VWA8: variants seen among roughly 807,000 people sequenced by gnomAD.
The protein encoded by VWA8 is von Willebrand factor A domain-containing protein 8.
Under a neutral mutation model 241.5 loss-of-function variants are expected in VWA8, and 221 were observed. The observed-to-expected ratio is 0.91, with a 90% CI of 0.82 to 1.02. The LOEUF is 1.02. Among genes scored for constraint, VWA8 ranks in the 50% least tolerant of loss-of-function variants. The pLI is 0.00. For missense variants in VWA8, 2,322 were observed against 2,328.7 expected, an observed-to-expected ratio of 1.00 and a Z score of 0.06; for synonymous variants, 852 against 827.1, an observed-to-expected ratio of 1.03 and a Z score of -0.52.
intron 37 of VWA8, among the ~76,000 whole-genome samples, chr13:41,638,610 C>T (rs577622692): frequency 1.3e-5 from 2 of 152,218 alleles, no homozygotes; most frequent in Admixed American, 1.3e-4. Flanking sequence ...TGAAAGGGCC[C>T]TCTGAATTTA....
At chr13:41,690,342 T>G (rs1335455049) in intron 32 of VWA8, 67 bp from the exon 33 acceptor site, 11 of 1,297,792 alleles carry the variant, frequency 8.5e-6, no homozygotes, top group Non-Finnish European at 1.2e-5. Flanking sequence ...AAGGCCAGAC[T>G]AAGAAAAATT....
chr13:41,862,420 G>C (rs1873046583), intron 12 of VWA8, among the ~76,000 whole-genome samples: 1 of 152,176 alleles, frequency 6.6e-6, no homozygotes, highest in Non-Finnish European at 1.5e-5. Context: ...AAAAGAACTT[G>C]CAACAAAACC....
At chr13:41,796,006 C>T (rs1192845305) in intron 17 of VWA8, among the ~76,000 whole-genome samples, 1 of 152,034 alleles carries the variant, frequency 6.6e-6, no homozygotes, top group African/African-American at 2.4e-5. Context: ...ATGATTCATT[C>T]TAGGATCACA....
At chr13:41,579,933 A>G (rs1248955901) in intron 42 of VWA8, among the ~76,000 whole-genome samples, 5 of 151,834 alleles carry the variant, frequency 3.3e-5, no homozygotes, top group Non-Finnish European at 7.4e-5. Context: ...TGCAGCCTCA[A>G]CCTCCTGGGC....
rs140939549 is a variant in VWA8 at position 41,958,461 on chromosome 13, C to G, written c.163+2392G>C. On this transcript the variant is annotated intron_variant, in intron 1 of 44. Coordinates refer to ENST00000379310, the MANE Select transcript of VWA8 (RefSeq NM_015058.2). ...AACTATTAGGAAGCAATGTCAATTA[C>G]AGAGAGAGGAGATAATCAGTTACTG... Among the ~76,000 whole-genome samples, 48 of 152,270 alleles carry G rather than the reference C, an allele frequency of 3.2e-4. No homozygotes were observed. The East Asian group carries it at 8.7e-3, about 27-fold the overall frequency.
chr13:41,798,896 C>T (rs1488232627), intron 17 of VWA8, among the ~76,000 whole-genome samples: 4 of 152,140 alleles, frequency 2.6e-5, no homozygotes, highest in African/African-American at 9.7e-5. Flanking sequence ...TTTCAATAGT[C>T]TAATTTACTA....
chr13:41,662,732 A>G (rs2044959356), intron 37 of VWA8, among the ~76,000 whole-genome samples: 1 of 151,924 alleles, frequency 6.6e-6, no homozygotes, highest in Admixed American at 6.6e-5. Context: ...GTACATGTGC[A>G]CAACGTGCAG....
At chr13:41,775,501 G>A (rs539483440) in intron 20 of VWA8, among the ~76,000 whole-genome samples, 81 of 152,302 alleles carry the variant, frequency 5.3e-4, no homozygotes, top group African/African-American at 1.8e-3. Context: ...CGTGGCTCCT[G>A]CCTTGCTCTT....
chr13:41,711,840 C>T (rs892143202), intron 26 of VWA8, among the ~76,000 whole-genome samples: 4 of 151,662 alleles, frequency 2.6e-5, no homozygotes, highest in African/African-American at 9.7e-5. Context: ...TGCCACTGCA[C>T]TCCAGCCTGG....
rs936753898 is a variant in VWA8, at chr13:41,719,946, T to C, written c.2965-204A>G. Among the ~76,000 whole-genome samples the C allele has an allele frequency of 2.6e-5, 4 of 152,074 alleles. No homozygotes were observed. The South Asian group carries it at 8.3e-4, about 31-fold the overall frequency. On this transcript the variant is annotated intron_variant, in intron 25 of 44. Transcript: ENST00000379310. The stretch of plus-strand genomic sequence containing the variant: ...ACTTAACAATATTTTCCTTTTTAAA[T>C]AAATGCCAGAATTTGAGGGGAAAGA...
At chr13:41,764,836 C>T (rs1326357648) in intron 20 of VWA8, among the ~76,000 whole-genome samples, 2 of 152,026 alleles carry the variant, frequency 1.3e-5, no homozygotes, top group Non-Finnish European at 2.9e-5. Flanking sequence ...TTCCTCAAAG[C>T]ACCAAGAAGC....
At chr13:41,876,727 G>A (rs1019445632) in intron 9 of VWA8, among the ~76,000 whole-genome samples, 6 of 152,110 alleles carry the variant, frequency 3.9e-5, no homozygotes, top group Non-Finnish European at 7.4e-5. Flanking sequence ...TTTTTTGAGT[G>A]AATATTATAA....
chr13:41,640,624 T>C (rs9532903), intron 37 of VWA8, among the ~76,000 whole-genome samples: 4,730 of 152,310 alleles, frequency 0.031, 119 homozygotes, highest in East Asian at 0.12. Flanking sequence ...TTCTAGCTTT[T>C]TACCCATTTT....
intron 38 of VWA8, among the ~76,000 whole-genome samples, chr13:41,613,536 G>C (rs529174474): frequency 5.9e-4 from 90 of 152,328 alleles, no homozygotes; most frequent in Middle Eastern, 3.4e-3. Flanking sequence ...TCTGGTGAAA[G>C]GGAGAAAGTG....
At chr13:41,689,917 C>T (rs1387724436) in intron 33 of VWA8, among the ~76,000 whole-genome samples, 1 of 151,900 alleles carries the variant, frequency 6.6e-6, no homozygotes, top group African/African-American at 2.4e-5. Context: ...AGACTTGCAA[C>T]CTAAATGTAT....
chr13:41,913,720 A>G (rs1876118649), intron 2 of VWA8, among the ~76,000 whole-genome samples: 1 of 152,198 alleles, frequency 6.6e-6, no homozygotes, highest in African/African-American at 2.4e-5. Flanking sequence ...TTGGTTTATC[A>G]TGTCACTGGA....
chr13:41,739,724 C>T (rs1035129171), intron 21 of VWA8, among the ~76,000 whole-genome samples: 2 of 151,818 alleles, frequency 1.3e-5, no homozygotes, highest in South Asian at 2.1e-4. Flanking sequence ...TAAAGGAAGA[C>T]ACAATTGCAT....
intron 35 of VWA8, among the ~76,000 whole-genome samples, chr13:41,676,992 T>C (rs1280735386): frequency 6.6e-6 from 1 of 152,210 alleles, no homozygotes; most frequent in Non-Finnish European, 1.5e-5. Context: ...TACATAAATA[T>C]CTTTTAAATA....
At position 41,590,663 on chromosome 13, in the gene VWA8, G is replaced by A. The variant is rs567899581; in HGVS notation, c.5089C>T (p.Arg1697Cys). ...ACTTGTGGCTCCAGCTCACCCCGAC[G>A]TTTGTAGATGGCTTTTTCTCCAGTC... ...GLTGEKAIYKRRGELEPQLGS... is the reference protein window; with the variant it reads ...GLTGEKAIYKCRGELEPQLGS... The change falls in exon 41 of 45, where the codon CGT becomes TGT. Residue 1697 changes from arginine to cysteine, a missense_variant. Transcript: ENST00000379310. 8 of 1,613,964 alleles carry A rather than the reference G, an allele frequency of 5.0e-6. No individual in the cohort carries two copies. Among genetic ancestry groups the A allele is most frequent in the East Asian group, 2.2e-5 (1 of 44,874 alleles).
Sources: gnomAD v4.1 joint callset for allele counts (sites outside exome capture counted in the v4.1 genomes callset) on GRCh38, gnomAD v4.1.1 for gene constraint, MANE v1.5 for transcripts, NCBI Gene and HGNC (gene_info 2026-07-23, HGNC 2026-07-21) for gene names.